RAB40A: variants seen among roughly 807,000 people sequenced by gnomAD.
RAB40A encodes ras-related protein Rab-40A.
For synonymous variants in RAB40A, 65 were observed against 99.9 expected (o/e 0.65, Z 2.08); for missense variants, 145 against 230.2 (o/e 0.63, Z 2.40).
intron 2 of RAB40A, among the ~76,000 whole-genome samples, chrX:103,507,987 A>G (rs777835544): frequency 4.7e-4 from 53 of 112,332 alleles, no homozygotes; most frequent in Non-Finnish European, 9.2e-4. Flanking sequence ...TCATGTATAT[A>G]CTTATTTGAA....
intron 2 of RAB40A, among the ~76,000 whole-genome samples, chrX:103,510,636 T>C (rs2073284176): frequency 8.9e-6 from 1 of 112,827 alleles, no homozygotes; most frequent in Non-Finnish European, 1.9e-5. Context: ...TTTATACAGA[T>C]AAACTCATTA....
intron 2 of RAB40A, among the ~76,000 whole-genome samples, chrX:103,511,891 T>C (rs954466965): frequency 9.0e-6 from 1 of 111,479 alleles, no homozygotes; most frequent in Non-Finnish European, 1.9e-5. Context: ...GATGAGACTA[T>C]TAGGGTGAGC....
At chrX:103,517,584 C>T (rs1186052985) in intron 1 of RAB40A, 59 bp from the exon 2 acceptor site, 1 of 112,189 alleles carries the variant, frequency 8.9e-6, no homozygotes, top group African/African-American at 3.2e-5. Context: ...TAAGATAAAA[C>T]CAACATTCAT....
intron 2 of RAB40A, among the ~76,000 whole-genome samples, chrX:103,509,890 C>T (rs1190598262): frequency 9.2e-6 from 1 of 108,962 alleles, no homozygotes; most frequent in Non-Finnish European, 1.9e-5. Flanking sequence ...ACTGCAACTT[C>T]CACCTCCCGG....
intron 2 of RAB40A, among the ~76,000 whole-genome samples, chrX:103,515,486 G>A (rs764188472): frequency 1.8e-5 from 2 of 112,131 alleles, no homozygotes; most frequent in South Asian, 7.5e-4. Context: ...AGGGAAAACA[G>A]AGGGGAGACC....
chrX:103,505,774 AATTT>A (rs2073251670), intron 2 of RAB40A, among the ~76,000 whole-genome samples: 1 of 111,248 alleles, frequency 9.0e-6, no homozygotes, highest in Non-Finnish European at 1.9e-5. Context: ...AATGTAGCTC[AATTT>A]ATTATTATTT....
intron 2 of RAB40A, among the ~76,000 whole-genome samples, chrX:103,505,968 C>T (rs1369644091): frequency 9.0e-6 from 1 of 111,723 alleles, no homozygotes; most frequent in Non-Finnish European, 1.9e-5. Flanking sequence ...TCATCCTTCT[C>T]CCTTCACTGC....
At position 103,506,273 on chromosome X, in the gene RAB40A, C is replaced by A. The variant is rs1394604842; in HGVS notation, c.-70-5447G>T. On this transcript the variant is annotated intron_variant, in intron 2 of 2. Transcript: ENST00000304236. ...GTAGGTGATTTTTCATCCCTTACTCCCTTCCCTCCCTTACTCCCACCTCCC... is the reference window on the plus strand; with the variant it reads ...GTAGGTGATTTTTCATCCCTTACTCACTTCCCTCCCTTACTCCCACCTCCC... Among the ~76,000 whole-genome samples the A allele has an allele frequency of 4.5e-5, 5 of 111,124 alleles. No individual in the cohort carries two copies. In the East Asian group the frequency reaches 1.4e-3, roughly 31 times the overall value.
intron 2 of RAB40A, among the ~76,000 whole-genome samples, chrX:103,507,154 TG>T (rs2073259942): frequency 9.1e-6 from 1 of 110,043 alleles, no homozygotes; most frequent in African/African-American, 3.3e-5. Context: ...TCTGTTCCTG[TG>T]TTAGTTTGCT....
At chrX:103,505,784 TA>T (rs2073251800) in intron 2 of RAB40A, among the ~76,000 whole-genome samples, 2 of 111,974 alleles carry the variant, frequency 1.8e-5, no homozygotes, top group Admixed American at 9.5e-5. Flanking sequence ...AATTTATTAT[TA>T]TTTTTTCCTT....
At chrX:103,511,502 C>CA (rs770729633) in intron 2 of RAB40A, among the ~76,000 whole-genome samples, 875 of 79,176 alleles carry the variant, frequency 0.011, 18 homozygotes, top group African/African-American at 0.05. Context: ...GACTCCGTCT[C>CA]AAAAAAAAAG....
At position 103,514,702 on chromosome X, in the gene RAB40A, G is replaced by T. The variant is rs1454032462; in HGVS notation, c.-71+2672C>A. Among the ~76,000 whole-genome samples, 4 of 111,532 alleles carry T rather than the reference G, an allele frequency of 3.6e-5. No homozygotes were observed. The East Asian group carries it at 1.1e-3, about 31-fold the overall frequency. On this transcript the variant is annotated intron_variant, in intron 2 of 2. Coordinates refer to ENST00000304236, the MANE Select transcript of RAB40A (RefSeq NM_080879.3). Reference sequence around the variant, plus strand: ...CATATAATGGTTTATTTCTTAATATGAGTATATACAGTATATTCTTTTTGT... The same window carrying T: ...CATATAATGGTTTATTTCTTAATATTAGTATATACAGTATATTCTTTTTGT...
At position 103,507,206 on chromosome X, in the gene RAB40A, G is replaced by T. The variant is rs961850423; in HGVS notation, c.-70-6380C>A. 3.6e-5 allele frequency among the ~76,000 whole-genome samples: 4 copies of T among 111,314 alleles called. No homozygotes were observed. The South Asian group carries it at 1.5e-3, about 43-fold the overall frequency. ...CAGCTTCATCCATGTCCCTGGAAAG[G>T]ACATAATCTCATTCCTTTTTATGGC... On this transcript the variant is annotated intron_variant, in intron 2 of 2. Transcript: ENST00000304236.
chrX:103,502,515 C>CACTT (rs2073233854), intron 2 of RAB40A: 1 of 136,323 alleles, frequency 7.3e-6, no homozygotes, highest in African/African-American at 3.2e-5. Context: ...GCCCACTCAC[C>CACTT]ACTTAAGGGA....
chrX:103,504,618 T>C (rs1287002410), intron 2 of RAB40A, among the ~76,000 whole-genome samples: 1 of 111,375 alleles, frequency 9.0e-6, no homozygotes, highest in East Asian at 2.8e-4. Context: ...GCCTCCCAGG[T>C]TCAAGCGATT....
intron 2 of RAB40A, among the ~76,000 whole-genome samples, chrX:103,515,048 A>T (rs2073309789): frequency 8.9e-6 from 1 of 111,790 alleles, no homozygotes; most frequent in Non-Finnish European, 1.9e-5. Flanking sequence ...CTAAACTCTG[A>T]CTCTCAAGTC....
intron 2 of RAB40A, among the ~76,000 whole-genome samples, chrX:103,513,918 A>C (rs1227811891): frequency 9.0e-6 from 1 of 111,237 alleles, no homozygotes; most frequent in African/African-American, 3.3e-5. Context: ...ACACACACAC[A>C]GACACATTGC....
rs533893960 is a variant in RAB40A, at chrX:103,499,366, A to T, written c.*557T>A. Reference sequence around the variant, plus strand: ...TTAATCCCCAAATGTAGTAAATAACATAGCAAAAACTTTATCAAATCCATT... The same window carrying T: ...TTAATCCCCAAATGTAGTAAATAACTTAGCAAAAACTTTATCAAATCCATT... On this transcript the variant is annotated 3_prime_UTR_variant, in exon 3 of 3. Transcript: ENST00000304236. The T allele has an allele frequency of 4.6e-4, 58 of 124,767 alleles. 1 individual carries two copies. In the South Asian group the frequency reaches 0.02, roughly 42 times the overall value. The allele number at this position is 124,767 out of a possible 1,213,427, so 10.3% of individuals were successfully genotyped here.
intron 2 of RAB40A, chrX:103,502,824 C>A: frequency 1.3e-6 from 1 of 753,158 alleles, no homozygotes; most frequent in Non-Finnish European, 1.6e-6. Context: ...CTGACTGTAT[C>A]ATCCTTACCG....
Sources: allele counts gnomAD v4.1 joint callset (sites outside exome capture counted in the v4.1 genomes callset), GRCh38; gene constraint gnomAD v4.1.1; transcripts MANE v1.5; gene names NCBI Gene and HGNC (gene_info 2026-07-23, HGNC 2026-07-21).